WDR18: variants seen among roughly 807,000 people sequenced by gnomAD.
WDR18 encodes WD repeat-containing protein 18.
A neutral mutation model predicts 49.6 loss-of-function variants in WDR18; 33 were observed. The ratio of observed to expected loss-of-function variants is 0.67; its 90% CI spans 0.50 to 0.89. The LOEUF (loss-of-function observed/expected upper bound fraction) is 0.89, where lower values mean the gene tolerates loss of function less well. Among genes scored for constraint, WDR18 ranks in the 40% least tolerant of loss-of-function variants. WDR18 has a pLI of 0.00. For missense variants in WDR18, 653 were observed against 593.6 expected, an observed-to-expected ratio of 1.10 and a Z score of -1.04; for synonymous variants, 315 against 263.6, an observed-to-expected ratio of 1.19 and a Z score of -1.89.
At chr19:985,619 C>G (rs1401297208) in intron 1 of WDR18, among the ~76,000 whole-genome samples, 1 of 152,128 alleles carries the variant, frequency 6.6e-6, no homozygotes, top group East Asian at 1.9e-4. Flanking sequence ...CTCCTCCCAC[C>G]CAGGGCCCCT....
chr19:984,740 C>T (rs562177751), intron 1 of WDR18, among the ~76,000 whole-genome samples, 177 bp downstream of exon 1: 53 of 151,194 alleles, frequency 3.5e-4, no homozygotes, highest in Non-Finnish European at 6.6e-4. Flanking sequence ...ATACGTGCGA[C>T]CTGTTAGGCC....
upstream of WDR18, among the ~76,000 whole-genome samples, chr19:983,766 G>T (rs950594815): frequency 3.6e-4 from 55 of 151,940 alleles, no homozygotes; most frequent in Non-Finnish European, 6.8e-4. Context: ...TGGGCCGGGC[G>T]CGGTGGCTCA....
At chr19:991,030 TG>T (rs759811815) in intron 5 of WDR18, 35 bp downstream of exon 5, 2 of 1,599,606 alleles carry the variant, frequency 1.3e-6, no homozygotes, top group Admixed American at 1.7e-5. Context: ...CACCCTGCCC[TG>T]GGGCTGAGGG....
intron 7 of WDR18, 113 bp from the exon 8 acceptor site, chr19:991,841 TG>T: frequency 1.9e-6 from 2 of 1,038,096 alleles, no homozygotes; most frequent in South Asian, 4.6e-5. Context: ...GTGGACTGGC[TG>T]TGGGGCGGGG....
rs1256617648 is a variant in WDR18 at position 990,339 on chromosome 19, C to G, written c.572C>G (p.Thr191Ser). ...GGGGGCCCCCTGGCCCGGGTGGCCA[C>G]CTCCTCACTGGACCAGACGGTGAAG... ...GFGGPLARVA[T>S]SSLDQTVKLW... The change falls in exon 4 of 10, where the codon ACC becomes AGC. Residue 191 changes from threonine (T) to serine (S), a missense_variant. Thr to Ser is a moderately conservative substitution (Grantham distance 58). Transcript: ENST00000585809. 1 of 1,588,184 alleles carries G rather than the reference C, an allele frequency of 6.3e-7. No homozygotes were observed. Among genetic ancestry groups the G allele is most frequent in the East Asian group, 2.3e-5 (1 of 44,278 alleles).
chr19:990,408 C>T lies in WDR18; in HGVS notation c.597+44C>T, dbSNP rs1359156598. ...ACCACGGTCCATGAGCGGAGCCCAG[C>T]AGCCGCAGGTCCTCAGCCAGGAATG... On this transcript the variant is annotated intron_variant, in intron 4 of 9. Coordinates refer to ENST00000585809, the MANE Select transcript of WDR18 (RefSeq NM_024100.4). The T allele has an allele frequency of 7.4e-6, 11 of 1,477,790 alleles. No homozygotes were observed. The South Asian group carries it at 1.0e-4, about 14-fold the overall frequency. The allele number at this position is 1,477,790 out of a possible 1,614,324, so 91.5% of individuals were successfully genotyped here.
intron 4 of WDR18, chr19:990,630 T>C: frequency 2.4e-6 from 2 of 822,934 alleles, no homozygotes; most frequent in Non-Finnish European, 3.6e-6. Flanking sequence ...CCGGTGGTCC[T>C]GGGAGGGAGA....
chr19:985,729 A>T, intron 1 of WDR18, 136 bp from the exon 2 acceptor site: 1 of 743,484 alleles, frequency 1.3e-6, no homozygotes, highest in East Asian at 2.7e-5. Flanking sequence ...CATTTGCTCA[A>T]ACCACCCTGC....
intron 8 of WDR18, among the ~76,000 whole-genome samples, chr19:993,410 C>G (rs1428655922): frequency 6.6e-6 from 1 of 152,244 alleles, no homozygotes; most frequent in African/African-American, 2.4e-5. Context: ...CCTAGCCGCC[C>G]CACCTGGCTC....
rs1263751077 is a variant in WDR18, at chr19:994,526, A to G, written c.*182A>G. 10 of 871,182 alleles carry G rather than the reference A, an allele frequency of 1.1e-5. No individual in the cohort carries two copies. The highest frequency in any genetic ancestry group is 1.7e-5 in the Non-Finnish European group (10 of 587,040). The allele number at this position is 871,182 out of a possible 1,614,324, so 54.0% of individuals were successfully genotyped here. On this transcript the variant is annotated 3_prime_UTR_variant, in exon 10 of 10. Transcript: ENST00000585809. Reference sequence around the variant, plus strand: ...TCGTGGCACGCGTCACAGTGGTGCTAGTCTGTTTTTAACAAAAGAGGATGA... The same window carrying G: ...TCGTGGCACGCGTCACAGTGGTGCTGGTCTGTTTTTAACAAAAGAGGATGA...
intron 8 of WDR18, among the ~76,000 whole-genome samples, chr19:992,973 T>C (rs2038579426): frequency 6.6e-6 from 1 of 152,262 alleles, no homozygotes; most frequent in South Asian, 2.1e-4. Flanking sequence ...TGACAGGCCC[T>C]GCACCAGGAG....
chr19:992,406 GTC>G (rs1265435049), intron 8 of WDR18, among the ~76,000 whole-genome samples: 1 of 152,244 alleles, frequency 6.6e-6, no homozygotes, highest in Admixed American at 6.5e-5. Context: ...ATATCTGACA[GTC>G]AGTTAGGTCT....
Position 990,833 on chromosome 19 carries a change from GC to G in WDR18, c.598-16del. 6.3e-7 allele frequency: 1 copy of G among 1,586,140 alleles called. No homozygotes were observed. Among genetic ancestry groups the G allele is most frequent in the Non-Finnish European group, 8.6e-7 (1 of 1,164,670 alleles). On this transcript the variant is annotated intron_variant, in intron 4 of 9. Transcript: ENST00000585809. Reference sequence around the variant, plus strand: ...TTCCCCCTGCCGGGCCGAGCCCCACGCCCTTTGCCCACCCGCAGCTATGGGA... The same window carrying G: ...TTCCCCCTGCCGGGCCGAGCCCCACGCCTTTGCCCACCCGCAGCTATGGGA...
rs2038469524 is a variant in WDR18 at position 985,903 on chromosome 19, C to T, written c.249C>T (p.Val83=). The T allele has an allele frequency of 6.2e-7, 1 of 1,613,970 alleles. No homozygotes were observed. The highest frequency in any genetic ancestry group is 8.5e-7 in the Non-Finnish European group (1 of 1,180,012). The change falls in exon 2 of 10, where the codon GTC becomes GTT. Residue 83 remains valine (V), a synonymous_variant. Coordinates refer to ENST00000585809, the MANE Select transcript of WDR18 (RefSeq NM_024100.4). ...LQQKIMCPGP[V]TCLTASPNGL... is the part of the protein sequence containing the mutation. ...AGAAGATCATGTGCCCCGGGCCTGTCACCTGTCTGACTGCATCACCCAATG... is the reference window on the plus strand; with the variant it reads ...AGAAGATCATGTGCCCCGGGCCTGTTACCTGTCTGACTGCATCACCCAATG...
intron 2 of WDR18, among the ~76,000 whole-genome samples, chr19:988,261 C>A (rs2285901): frequency 6.6e-6 from 1 of 151,704 alleles, no homozygotes; most frequent in Non-Finnish European, 1.5e-5. Flanking sequence ...TCTGTGTAGG[C>A]GACGGGTGTG....
intron 2 of WDR18, among the ~76,000 whole-genome samples, chr19:986,239 C>G (rs748248093): frequency 5.3e-5 from 8 of 152,246 alleles, no homozygotes; most frequent in Non-Finnish European, 1.2e-4. Flanking sequence ...ACCGCAGCAT[C>G]TTCCAGGGCT....
intron 7 of WDR18, 130 bp from the exon 8 acceptor site, chr19:991,825 G>GGGGGCGTGGACTGGCTGT: frequency 9.5e-7 from 1 of 1,055,366 alleles, no homozygotes; most frequent in East Asian, 3.4e-5. Context: ...GGGCCTGGCT[G>GGGGGCGTGGACTGGCTGT]GGGGCGTGGA....
chr19:984,615 T>C, intron 1 of WDR18, 52 bp downstream of exon 1: 1 of 1,371,910 alleles, frequency 7.3e-7, no homozygotes, highest in Non-Finnish European at 9.4e-7. Context: ...GAGGCTGAAG[T>C]CGGGGGATGG....
chr19:994,330 C>T lies in WDR18; in HGVS notation c.1285C>T (p.Arg429Trp), dbSNP rs1469407612. 8 of 1,609,542 alleles carry T rather than the reference C, an allele frequency of 5.0e-6. No homozygotes were observed. Among genetic ancestry groups the T allele is most frequent in the East Asian group, 2.2e-5 (1 of 44,820 alleles). The change falls in exon 10 of 10, where the codon CGG (arginine) becomes TGG (tryptophan). Residue 429 changes from arginine to tryptophan, a missense_variant. Coordinates refer to ENST00000585809, the MANE Select transcript of WDR18 (RefSeq NM_024100.4). ...LFDFSTRFIT[R>W]PAK Reference sequence around the variant, plus strand: ...CGACTTCTCCACGCGCTTCATCACGCGGCCGGCCAAGTGAGGCCCGGAGAC... The same window carrying T: ...CGACTTCTCCACGCGCTTCATCACGTGGCCGGCCAAGTGAGGCCCGGAGAC...
Sources: gnomAD v4.1 joint callset for allele counts (sites outside exome capture counted in the v4.1 genomes callset) on GRCh38, gnomAD v4.1.1 for gene constraint, MANE v1.5 for transcripts, NCBI Gene and HGNC (gene_info 2026-07-23, HGNC 2026-07-21) for gene names.